The following METTL6 variants were observed in gnomAD, a reference collection of about 807,000 sequenced individuals.
METTL6 encodes methyltransferase 6, tRNA N3-cytidine.
METTL6 carries 22 observed loss-of-function variants against 26.4 expected under a neutral mutation model. The observed-to-expected ratio is 0.83, with a 90% CI of 0.59 to 1.19. The LOEUF (loss-of-function observed/expected upper bound fraction) is 1.19, where lower values mean the gene tolerates loss of function less well. Ranked by LOEUF, METTL6 falls within the 50% of genes most tolerant of loss-of-function variation. METTL6 has a pLI of 0.00. For missense variants in METTL6, 304 were observed against 324.8 expected, an observed-to-expected ratio of 0.94 and a Z score of 0.49; for synonymous variants, 109 against 116.2, an observed-to-expected ratio of 0.94 and a Z score of 0.40.
rs1559492943 is a variant in METTL6, at chr3:15,415,886, T to C, written c.417A>G (p.Lys139=). ...RCKVFQCDLT[K]DDLLDHVPPE... ...GCGGTACATGATCCAGAAGATCATC[T>C]TTAGTCAGATCACACTGGAATACCT... is the stretch of plus-strand genomic sequence containing the variant. The change falls in exon 4 of 6, where the codon AAA becomes AAG. Residue 139 remains lysine (K), a synonymous_variant. Coordinates refer to ENST00000383790, the MANE Select transcript of METTL6 (RefSeq NM_152396.4). The C allele has an allele frequency of 6.2e-7, 1 of 1,614,158 alleles. No individual in the cohort carries two copies. The highest frequency in any genetic ancestry group is 8.5e-7 in the Non-Finnish European group (1 of 1,180,022).
At chr3:15,412,966 T>C (rs1448371039) in intron 5 of METTL6, among the ~76,000 whole-genome samples, 2 of 152,212 alleles carry the variant, frequency 1.3e-5, no homozygotes, top group Non-Finnish European at 2.9e-5. Context: ...CTCTTTAGGC[T>C]GGGCATGGTG....
intron 6 of METTL6, among the ~76,000 whole-genome samples, chr3:15,398,250 G>C (rs1393795232): frequency 6.6e-6 from 1 of 151,870 alleles, no homozygotes; most frequent in Admixed American, 6.6e-5. Flanking sequence ...CTGGAGTGCA[G>C]TGGAGTGATC....
chr3:15,406,543 A>C, downstream of METTL6, among the ~76,000 whole-genome samples: 1 of 143,744 alleles, frequency 7.0e-6, no homozygotes, highest in African/African-American at 2.6e-5. Flanking sequence ...GCCTGGGCCC[A>C]CTTCCAACCC....
rs189830441 is a variant in METTL6 at position 15,395,866 on chromosome 3, T to C, written c.*12-11679A>G. 4.0e-3 allele frequency among the ~76,000 whole-genome samples: 612 copies of C among 152,378 alleles called. 4 individuals are homozygous for C. The highest frequency in any genetic ancestry group is 0.013 in the African/African-American group (536 of 41,588). ...GTAGAGTTTCTGCTGAGAGATCAGC[T>C]GTTAGTCTGATGGGCTTCCCTTTGT... On this transcript the variant is annotated intron_variant, in intron 6 of 6. Transcript: ENST00000443029.
chr3:15,396,333 A>G (rs1699486828), intron 6 of METTL6, among the ~76,000 whole-genome samples: 1 of 152,090 alleles, frequency 6.6e-6, no homozygotes, highest in Non-Finnish European at 1.5e-5. Flanking sequence ...CATGGTTTTC[A>G]GCTCCATCAG....
chr3:15,390,862 C>T (rs112077350), intron 6 of METTL6, among the ~76,000 whole-genome samples: 2 of 148,630 alleles, frequency 1.3e-5, no homozygotes, highest in Non-Finnish European at 3.0e-5. Context: ...TTTTACTGGG[C>T]GATGAAAGTG....
At chr3:15,404,552 T>C (rs1186078781) in intron 6 of METTL6, among the ~76,000 whole-genome samples, 4 of 150,188 alleles carry the variant, frequency 2.7e-5, no homozygotes, top group African/African-American at 9.8e-5. Context: ...GGCCTCACCA[T>C]GTTGGCTAGG....
chr3:15,395,899 C>A lies in METTL6; in HGVS notation c.*12-11712G>T, dbSNP rs180968995. 1.7e-3 allele frequency among the ~76,000 whole-genome samples: 262 copies of A among 152,268 alleles called. 3 individuals carry two copies. Among genetic ancestry groups the A allele is most frequent in the Middle Eastern group, 0.01 (3 of 294 alleles). On this transcript the variant is annotated intron_variant, in intron 6 of 6. Coordinates refer to the METTL6 transcript ENST00000443029. Reference sequence around the variant, plus strand: ...TGATGGGCTTCCCTTTGTGAGTAATCCGATCTTTCTCTCTGGCTGCCCTTA... The same window carrying A: ...TGATGGGCTTCCCTTTGTGAGTAATACGATCTTTCTCTCTGGCTGCCCTTA...
intron 3 of METTL6, among the ~76,000 whole-genome samples, chr3:15,419,942 A>G (rs2061574016): frequency 6.6e-6 from 1 of 151,382 alleles, no homozygotes; most frequent in African/African-American, 2.4e-5. Flanking sequence ...GCTCACTGCA[A>G]GCTCCGCCTC....
At chr3:15,415,087 C>T (rs1700139713) in intron 4 of METTL6, among the ~76,000 whole-genome samples, 2 of 152,120 alleles carry the variant, frequency 1.3e-5, no homozygotes, top group African/African-American at 4.8e-5. Flanking sequence ...GTCGTTTTGG[C>T]TCTTTACTGA....
intron 6 of METTL6, among the ~76,000 whole-genome samples, chr3:15,385,734 TG>T: frequency 6.6e-6 from 1 of 152,318 alleles, no homozygotes; most frequent in Non-Finnish European, 1.5e-5. Flanking sequence ...CACTTGTAAG[TG>T]CTGCTAATCA....
At chr3:15,405,152 G>A (rs917654218), downstream of METTL6, among the ~76,000 whole-genome samples, 1 of 152,162 alleles carries the variant, frequency 6.6e-6, no homozygotes, top group Non-Finnish European at 1.5e-5. Flanking sequence ...GTACAAAGGG[G>A]TATTTACTCA....
At chr3:15,396,129 C>T (rs1387880819) in intron 6 of METTL6, among the ~76,000 whole-genome samples, 1 of 152,244 alleles carries the variant, frequency 6.6e-6, no homozygotes, top group Admixed American at 6.5e-5. Context: ...CTTGCAGGTA[C>T]ACCAATCAAA....
At chr3:15,401,095 A>G (rs1699627539) in intron 6 of METTL6, among the ~76,000 whole-genome samples, 2 of 151,528 alleles carry the variant, frequency 1.3e-5, no homozygotes, top group Admixed American at 1.3e-4. Context: ...GCTGGAGTGC[A>G]GTGGCGCAAT....
chr3:15,403,172 T>C (rs1402211549), intron 6 of METTL6, among the ~76,000 whole-genome samples: 3 of 152,196 alleles, frequency 2.0e-5, no homozygotes, highest in Non-Finnish European at 2.9e-5. Flanking sequence ...AGGGGTCTCA[T>C]TATGTATCCC....
Position 15,402,204 on chromosome 3 carries a change from T to A in METTL6, c.*11+9041A>T, listed in dbSNP as rs969947640. On this transcript the variant is annotated intron_variant, in intron 6 of 6. Transcript: ENST00000443029. ...GAGAAACTGCACTGGGGAGAGACTT[T>A]CATTCACGGCTGAATGAGAGACCAG... Among the ~76,000 whole-genome samples, 4 of 152,196 alleles carry A rather than the reference T, an allele frequency of 2.6e-5. No individual in the cohort carries two copies. The East Asian group carries it at 7.7e-4, about 29-fold the overall frequency.
intron 3 of METTL6, among the ~76,000 whole-genome samples, chr3:15,418,120 A>G (rs1188159174): frequency 6.6e-6 from 1 of 152,220 alleles, no homozygotes; most frequent in East Asian, 1.9e-4. Flanking sequence ...CTCAGTATCT[A>G]CTGGCCCTTA....
chr3:15,426,555 A>G lies in METTL6; in HGVS notation c.-44T>C. On this transcript the variant is annotated 5_prime_UTR_variant, in exon 2 of 6. It removes an upstream start codon present in the reference 5' UTR. Coordinates refer to ENST00000383790, the MANE Select transcript of METTL6 (RefSeq NM_152396.4). ...CACTTAACACAGCTGAAGATTCTCCATCACCAAATAATATGAATCCACGCT... is the reference window on the plus strand; with the variant it reads ...CACTTAACACAGCTGAAGATTCTCCGTCACCAAATAATATGAATCCACGCT... 1 of 1,553,612 alleles carries G rather than the reference A, an allele frequency of 6.4e-7. No homozygotes were observed. Among genetic ancestry groups the G allele is most frequent in the Non-Finnish European group, 8.8e-7 (1 of 1,134,720 alleles).
At chr3:15,412,591 C>T (rs1240193337) in intron 5 of METTL6, among the ~76,000 whole-genome samples, 5 of 151,996 alleles carry the variant, frequency 3.3e-5, no homozygotes, top group East Asian at 3.9e-4. Flanking sequence ...GCCAAATGAT[C>T]CTCTTGCCTC....
Sources: gnomAD v4.1 joint callset for allele counts (sites outside exome capture counted in the v4.1 genomes callset) on GRCh38, gnomAD v4.1.1 for gene constraint, MANE v1.5 for transcripts, NCBI Gene and HGNC (gene_info 2026-07-23, HGNC 2026-07-21) for gene names.